Variants in PDE7B observed in about 807,000 individuals in gnomAD.
The protein encoded by PDE7B is phosphodiesterase 7B.
Under a neutral mutation model 56.2 loss-of-function variants are expected in PDE7B, and 29 were observed. The observed-to-expected ratio is 0.52, with a 90% CI of 0.38 to 0.70. The LOEUF is 0.70. PDE7B is among the 30% of genes least tolerant of loss of function. The pLI, the probability that PDE7B is intolerant of heterozygous loss-of-function variation, is 0.00. For missense variants in PDE7B, 490 were observed against 565.0 expected, an observed-to-expected ratio of 0.87 and a Z score of 1.35; for synonymous variants, 197 against 196.9, an observed-to-expected ratio of 1.00 and a Z score of 0.00.
At chr6:135,941,991 G>GT (rs1353425745) in intron 1 of PDE7B, among the ~76,000 whole-genome samples, 1 of 152,158 alleles carries the variant, frequency 6.6e-6, no homozygotes, top group Non-Finnish European at 1.5e-5. Context: ...ACATTAACTG[G>GT]TTTAAGAAAG....
chr6:136,063,132 C>CA (rs1179157947), intron 2 of PDE7B, among the ~76,000 whole-genome samples: 1 of 152,224 alleles, frequency 6.6e-6, no homozygotes. Flanking sequence ...ACCCTGCCTA[C>CA]AAAAAACAAG....
At chr6:136,175,091 C>T (rs1227325828) in intron 9 of PDE7B, among the ~76,000 whole-genome samples, 2 of 152,082 alleles carry the variant, frequency 1.3e-5, no homozygotes. Flanking sequence ...CTGGTCAGTA[C>T]CTGCATTCAT....
At chr6:136,159,143 G>C (rs1351246319) in intron 8 of PDE7B, among the ~76,000 whole-genome samples, 3 of 152,222 alleles carry the variant, frequency 2.0e-5, no homozygotes, top group South Asian at 2.1e-4. Flanking sequence ...TTAGAGGGGG[G>C]TCAGCATTTT....
chr6:136,140,577 C>T (rs552439098), intron 3 of PDE7B, among the ~76,000 whole-genome samples: 33 of 152,228 alleles, frequency 2.2e-4, no homozygotes, highest in Non-Finnish European at 2.8e-4. Context: ...GCCATTTTCA[C>T]GATATTGATT....
intron 2 of PDE7B, among the ~76,000 whole-genome samples, chr6:136,062,203 T>A (rs1049432360): frequency 2.6e-5 from 4 of 152,170 alleles, no homozygotes; most frequent in African/African-American, 9.7e-5. Context: ...TTTTTAAAAA[T>A]TTTTTCCACC....
chr6:136,013,356 G>C (rs1354426849), intron 2 of PDE7B, among the ~76,000 whole-genome samples: 1 of 152,162 alleles, frequency 6.6e-6, no homozygotes, highest in Non-Finnish European at 1.5e-5. Flanking sequence ...CAAGACAAAG[G>C]TGTTCCTCTT....
rs866162909 is a variant in PDE7B, at chr6:136,121,632, C to T, written c.166+12818C>T. 3.3e-5 allele frequency among the ~76,000 whole-genome samples: 5 copies of T among 152,280 alleles called. No homozygotes were observed. In the South Asian group the frequency reaches 1.0e-3, roughly 32 times the overall value. ...ATGAACAAAACATTTTGGGAAAGGG[C>T]TGATACAGAACTCACTAGAACACCA... On this transcript the variant is annotated intron_variant, in intron 3 of 12. Transcript: ENST00000308191.
At chr6:136,106,336 T>C (rs1006422819) in intron 2 of PDE7B, among the ~76,000 whole-genome samples, 1 of 152,210 alleles carries the variant, frequency 6.6e-6, no homozygotes, top group Non-Finnish European at 1.5e-5. Flanking sequence ...TATGTGAGGA[T>C]CTAAGATTTT....
chr6:136,073,253 T>C (rs1583866054), intron 2 of PDE7B, among the ~76,000 whole-genome samples: 1 of 152,176 alleles, frequency 6.6e-6, no homozygotes, highest in East Asian at 1.9e-4. Context: ...CGCCATGCAT[T>C]GTGACAGGTC....
chr6:136,167,294 C>T (rs1778810453), intron 8 of PDE7B, among the ~76,000 whole-genome samples: 1 of 152,142 alleles, frequency 6.6e-6, no homozygotes, highest in African/African-American at 2.4e-5. Context: ...CTGTCTCTCC[C>T]CATCTGATAT....
At chr6:136,075,488 C>T (rs2128214489) in intron 2 of PDE7B, among the ~76,000 whole-genome samples, 1 of 152,258 alleles carries the variant, frequency 6.6e-6, no homozygotes, top group South Asian at 2.1e-4. Flanking sequence ...CCTCAGTCTC[C>T]CACACTTGAT....
intron 9 of PDE7B, among the ~76,000 whole-genome samples, chr6:136,176,332 T>C (rs1562514108): frequency 6.6e-6 from 1 of 152,154 alleles, no homozygotes; most frequent in Non-Finnish European, 1.5e-5. Flanking sequence ...TTGAGAAGTA[T>C]AAATAAAATA....
chr6:136,077,757 T>G (rs1177222224), intron 2 of PDE7B, among the ~76,000 whole-genome samples: 2 of 152,182 alleles, frequency 1.3e-5, no homozygotes, highest in Admixed American at 1.3e-4. Context: ...GTTAAAAGGG[T>G]TCTATCAACC....
chr6:136,083,643 T>C (rs571011975), intron 2 of PDE7B, among the ~76,000 whole-genome samples: 2 of 152,312 alleles, frequency 1.3e-5, no homozygotes, highest in East Asian at 3.9e-4. Flanking sequence ...GAAAAGATAT[T>C]TTGAATAACT....
intron 8 of PDE7B, among the ~76,000 whole-genome samples, chr6:136,173,146 A>T (rs1778920351): frequency 6.6e-6 from 1 of 152,224 alleles, no homozygotes; most frequent in Non-Finnish European, 1.5e-5. Context: ...AGAATTGGAA[A>T]AAACTACTTT....
chr6:136,191,684 G>T lies in PDE7B; in HGVS notation c.1197G>T (p.Ser399=). 6.2e-7 allele frequency: 1 copy of T among 1,613,888 alleles called. No individual in the cohort carries two copies. The highest frequency in any genetic ancestry group is 8.5e-7 in the Non-Finnish European group (1 of 1,179,902). Residue 399 remains serine (S), a synonymous_variant, in exon 13 of 13, where the codon TCG becomes TCT. Transcript: ENST00000308191. ...WAHFTGNSTL[S]ENMLGHLAHN... ...ATTTCACGGGTAACAGCACCCTGTCGGAGAACATGCTGGGCCACCTCGCAC... is the reference window on the plus strand; with the variant it reads ...ATTTCACGGGTAACAGCACCCTGTCTGAGAACATGCTGGGCCACCTCGCAC...
At position 135,911,920 on chromosome 6, in the gene PDE7B, T is replaced by C. The variant is rs1776218733; in HGVS notation, c.22-35544T>C. On this transcript the variant is annotated intron_variant, in intron 1 of 12. Transcript: ENST00000308191. ...ATATATGTGCCTTGCATTTGTAGTA[T>C]ACATAATATTTATATTGAATGGCAG... 2.6e-5 allele frequency among the ~76,000 whole-genome samples: 4 copies of C among 152,242 alleles called. No homozygotes were observed. In the South Asian group the frequency reaches 8.3e-4, roughly 31 times the overall value.
chr6:135,939,315 G>A (rs1562446749), intron 1 of PDE7B, among the ~76,000 whole-genome samples: 1 of 152,084 alleles, frequency 6.6e-6, no homozygotes, highest in South Asian at 2.1e-4. Context: ...TTGCTGGTGT[G>A]TCTCTTATTT....
chr6:136,080,102 T>G (rs1777182768), intron 2 of PDE7B, among the ~76,000 whole-genome samples: 1 of 152,158 alleles, frequency 6.6e-6, no homozygotes. Context: ...ATGTGTCCAG[T>G]GTTAAGCTCT....
Sources: allele counts gnomAD v4.1 joint callset (sites outside exome capture counted in the v4.1 genomes callset), GRCh38; gene constraint gnomAD v4.1.1; transcripts MANE v1.5; gene names NCBI Gene and HGNC (gene_info 2026-07-23, HGNC 2026-07-21).